The following PTPRK variants were observed in gnomAD, a reference collection of about 807,000 sequenced individuals.
PTPRK encodes the protein protein tyrosine phosphatase receptor type K, also known as receptor-type tyrosine-protein phosphatase kappa.
A neutral mutation model predicts 178.0 loss-of-function variants in PTPRK; 75 were observed. The observed-to-expected ratio is 0.42, with a 90% CI of 0.35 to 0.51. The LOEUF (loss-of-function observed/expected upper bound fraction) is 0.51, where lower values mean the gene tolerates loss of function less well. Ranked by LOEUF, PTPRK falls within the 20% of genes least tolerant of loss-of-function variation. The probability of loss-of-function intolerance (pLI) is 0.02; values close to 1 mark genes in which losing one functional copy is unlikely to be tolerated. For synonymous variants in PTPRK, 637 were observed against 620.6 expected, an observed-to-expected ratio of 1.03 and a Z score of -0.39; for missense variants, 1,441 against 1,797.8, an observed-to-expected ratio of 0.80 and a Z score of 3.59.
At chr6:128,435,824 AGTT>A (rs1480322641) in intron 1 of PTPRK, among the ~76,000 whole-genome samples, 1 of 152,194 alleles carries the variant, frequency 6.6e-6, no homozygotes, top group Non-Finnish European at 1.5e-5. Context: ...AATGAAAGTA[AGTT>A]GTTGTGTGCT....
intron 8 of PTPRK, among the ~76,000 whole-genome samples, chr6:128,087,170 G>A (rs1786010579): frequency 6.6e-6 from 1 of 152,016 alleles, no homozygotes; most frequent in African/African-American, 2.4e-5. Context: ...GATTATATAA[G>A]CCTGGCTGCA....
intron 1 of PTPRK, among the ~76,000 whole-genome samples, chr6:128,507,077 T>C (rs1286224416): frequency 6.6e-6 from 1 of 152,076 alleles, no homozygotes; most frequent in African/African-American, 2.4e-5. Context: ...AGTGGTCAGA[T>C]CATGTAGTAA....
intron 3 of PTPRK, among the ~76,000 whole-genome samples, chr6:128,285,867 T>C (rs939898799): frequency 8.5e-5 from 13 of 152,166 alleles, no homozygotes; most frequent in Admixed American, 8.5e-4. Context: ...GTTAGAAATA[T>C]TGAGGTCATT....
chr6:128,289,458 A>G (rs773066849), intron 3 of PTPRK, among the ~76,000 whole-genome samples: 17 of 152,194 alleles, frequency 1.1e-4, no homozygotes, highest in Non-Finnish European at 2.1e-4. Flanking sequence ...TCTGACTTAC[A>G]GTTTAAATGA....
chr6:128,253,791 T>C (rs775719496), intron 3 of PTPRK, among the ~76,000 whole-genome samples: 7 of 152,210 alleles, frequency 4.6e-5, no homozygotes, highest in Non-Finnish European at 8.8e-5. Context: ...TTAAAATCAG[T>C]AGTTCAGCCT....
chr6:128,245,966 C>T (rs1428613392), intron 3 of PTPRK, among the ~76,000 whole-genome samples: 1 of 151,988 alleles, frequency 6.6e-6, no homozygotes, highest in Non-Finnish European at 1.5e-5. Flanking sequence ...GTCTTAACCC[C>T]ATAATATGAA....
intron 29 of PTPRK, among the ~76,000 whole-genome samples, chr6:127,971,788 G>T (rs1773928953): frequency 6.6e-6 from 1 of 152,118 alleles, no homozygotes; most frequent in South Asian, 2.1e-4. Flanking sequence ...TCTGAAGTCA[G>T]AAATGATCCC....
chr6:128,519,779 G>A lies in PTPRK; in HGVS notation c.100+480C>T, dbSNP rs2128448063. 6.6e-6 allele frequency among the ~76,000 whole-genome samples: 1 copy of A among 152,298 alleles called. No individual in the cohort carries two copies. The highest frequency in any genetic ancestry group is 2.4e-5 in the African/African-American group (1 of 41,578). ...GGAAGTAGTTAGACAATAGTCAGGGGAGGTTATTCCCGGGACAAAAAGCAC... is the reference window on the plus strand; with the variant it reads ...GGAAGTAGTTAGACAATAGTCAGGGAAGGTTATTCCCGGGACAAAAAGCAC... On this transcript the variant is annotated intron_variant, in intron 1 of 29. Transcript: ENST00000368226. This position sits in a 1 kb window ranked among gnomAD's most constrained non-coding sequence, Gnocchi z 4.3.
chr6:128,315,920 A>T (rs1360791484), intron 3 of PTPRK, among the ~76,000 whole-genome samples: 1 of 152,236 alleles, frequency 6.6e-6, no homozygotes, highest in East Asian at 1.9e-4. Flanking sequence ...GAAAATGGAC[A>T]GAGTTCACAC....
At chr6:128,113,283 C>T (rs903776973) in intron 7 of PTPRK, among the ~76,000 whole-genome samples, 8 of 151,674 alleles carry the variant, frequency 5.3e-5, no homozygotes, top group African/African-American at 1.9e-4. Flanking sequence ...AAGAAAAAAA[C>T]TTGAAAGAAT....
chr6:128,243,888 C>A (rs1411563816), intron 3 of PTPRK, among the ~76,000 whole-genome samples: 1 of 151,730 alleles, frequency 6.6e-6, no homozygotes, highest in Non-Finnish European at 1.5e-5. Context: ...TCAAATTGGT[C>A]TAATAGAAAC....
chr6:128,010,897 G>A (rs754664364), intron 13 of PTPRK, among the ~76,000 whole-genome samples: 9 of 151,078 alleles, frequency 6.0e-5, no homozygotes, highest in East Asian at 2.0e-4. Flanking sequence ...CATATATTCC[G>A]GCTGTAGGGA....
At chr6:128,296,050 G>T (rs989846620) in intron 3 of PTPRK, among the ~76,000 whole-genome samples, 4 of 152,106 alleles carry the variant, frequency 2.6e-5, no homozygotes, top group Non-Finnish European at 5.9e-5. Flanking sequence ...CATGGCCTCT[G>T]AGTCAAGGGC....
At chr6:128,494,201 T>TAA (rs11301155) in intron 1 of PTPRK, among the ~76,000 whole-genome samples, 1,155 of 112,896 alleles carry the variant, frequency 0.01, 22 homozygotes, top group African/African-American at 0.035. Flanking sequence ...CCCTGTATCT[T>TAA]AAAAAAAAAA....
intron 2 of PTPRK, among the ~76,000 whole-genome samples, chr6:128,385,204 A>G (rs1490845705): frequency 4.6e-5 from 7 of 151,728 alleles, no homozygotes; most frequent in African/African-American, 1.4e-4. Flanking sequence ...TCTTCCTTGC[A>G]TGATAAAACA....
chr6:128,178,144 T>G (rs1223395446), intron 7 of PTPRK, among the ~76,000 whole-genome samples: 1 of 151,980 alleles, frequency 6.6e-6, no homozygotes, highest in African/African-American at 2.4e-5. Flanking sequence ...ATTAATAGTG[T>G]TTGGGAAAAA....
chr6:128,424,341 A>C (rs549544046), intron 1 of PTPRK, among the ~76,000 whole-genome samples: 7 of 152,252 alleles, frequency 4.6e-5, no homozygotes, highest in Non-Finnish European at 8.8e-5. Context: ...ATTTTGAGAC[A>C]GGAAGTTCAG....
chr6:127,970,693 C>G (rs959831500), intron 29 of PTPRK, among the ~76,000 whole-genome samples: 6 of 151,990 alleles, frequency 3.9e-5, no homozygotes, highest in African/African-American at 1.4e-4. Context: ...CTTAGTTTGC[C>G]TCAGTTCTTT....
chr6:128,285,971 C>T (rs564518962), intron 3 of PTPRK, among the ~76,000 whole-genome samples: 4 of 152,178 alleles, frequency 2.6e-5, no homozygotes, highest in African/African-American at 9.6e-5. Flanking sequence ...GATCCACGAG[C>T]CCTCTGGAAG....
Sources: allele counts gnomAD v4.1 joint callset (sites outside exome capture counted in the v4.1 genomes callset), GRCh38; gene constraint gnomAD v4.1.1; non-coding constraint Gnocchi (gnomAD v3.1); transcripts MANE v1.5; gene names NCBI Gene and HGNC (gene_info 2026-07-23, HGNC 2026-07-21).